DLEU7: variants seen among roughly 807,000 people sequenced by gnomAD.
The protein encoded by DLEU7 is leukemia-associated protein 7.
DLEU7 carries 17 observed loss-of-function variants against 16.0 expected under a neutral mutation model. The observed-to-expected ratio is 1.06, with a 90% confidence interval of 0.73 to 1.59. The LOEUF (loss-of-function observed/expected upper bound fraction) is 1.59. Among genes scored for constraint, DLEU7 ranks in the 40% most tolerant of loss-of-function variants. The pLI is 0.00. For synonymous variants in DLEU7, 113 were observed against 139.8 expected (o/e 0.81, Z 1.35); for missense variants, 308 against 314.9 (o/e 0.98, Z 0.17).
chr13:50,740,780 C>T (rs753441777), intron 1 of DLEU7, among the ~76,000 whole-genome samples: 3 of 152,088 alleles, frequency 2.0e-5, no homozygotes, highest in South Asian at 2.1e-4. Flanking sequence ...TATTAAAAAC[C>T]CTTATTTTAA....
At position 50,783,864 on chromosome 13, in the gene DLEU7, C is replaced by T. The variant is rs542558723; in HGVS notation, c.459+59324G>A. On this transcript the variant is annotated intron_variant, in intron 1 of 1. Coordinates refer to the DLEU7 transcript ENST00000400393. The stretch of plus-strand genomic sequence containing the variant: ...CTGCCATAGGCTCTCCCCATGCTGG[C>T]CCATACCACGCCCAAAGGAACACAT... Among the ~76,000 whole-genome samples the T allele has an allele frequency of 2.0e-5, 3 of 152,298 alleles. No individual in the cohort carries two copies. The East Asian group carries it at 5.8e-4, about 29-fold the overall frequency.
intron 1 of DLEU7, among the ~76,000 whole-genome samples, chr13:50,716,321 G>C (rs1873437780): frequency 6.6e-6 from 1 of 152,200 alleles, no homozygotes; most frequent in African/African-American, 2.4e-5. Context: ...GAAATGTTTG[G>C]TTACAGCTTA....
intron 1 of DLEU7, among the ~76,000 whole-genome samples, chr13:50,752,660 G>A (rs1352932193): frequency 1.3e-5 from 2 of 151,636 alleles, no homozygotes; most frequent in African/African-American, 4.9e-5. Context: ...CAGCTCTTAA[G>A]GCGGCGCGTC....
chr13:50,738,002 A>G (rs1226460518), intron 1 of DLEU7, among the ~76,000 whole-genome samples: 2 of 152,158 alleles, frequency 1.3e-5, no homozygotes, highest in African/African-American at 4.8e-5. Context: ...ACGAATGATA[A>G]GAAAGTGATT....
rs375605291 is a variant in DLEU7 at position 50,836,623 on chromosome 13, G to A, written c.459+6565C>T. On this transcript the variant is annotated intron_variant, in intron 1 of 1. Transcript: ENST00000504404. Reference sequence around the variant, plus strand: ...CAGGAGGCAGAGCTTGCAGTGAGCCGAGATCATGCCACTGCACTCCAGCCT... The same window carrying A: ...CAGGAGGCAGAGCTTGCAGTGAGCCAAGATCATGCCACTGCACTCCAGCCT... Among the ~76,000 whole-genome samples the A allele has an allele frequency of 7.2e-5, 11 of 151,748 alleles. No homozygotes were observed. In the South Asian group the frequency reaches 8.3e-4, roughly 12 times the overall value.
At chr13:50,801,837 T>C (rs1876257676) in intron 1 of DLEU7, among the ~76,000 whole-genome samples, 1 of 152,136 alleles carries the variant, frequency 6.6e-6, no homozygotes, top group South Asian at 2.1e-4. Flanking sequence ...TAATGACTAT[T>C]CAATTGCCAA....
chr13:50,748,502 A>G (rs1389863197), intron 1 of DLEU7, among the ~76,000 whole-genome samples: 1 of 152,152 alleles, frequency 6.6e-6, no homozygotes, highest in Non-Finnish European at 1.5e-5. Context: ...TAGAGTCTCT[A>G]ATTTTTTTAA....
At chr13:50,786,128 T>G (rs1298790273) in intron 1 of DLEU7, among the ~76,000 whole-genome samples, 1 of 152,150 alleles carries the variant, frequency 6.6e-6, no homozygotes, top group Non-Finnish European at 1.5e-5. Flanking sequence ...TAATAAGACT[T>G]TGATGGGTTC....
intron 1 of DLEU7, among the ~76,000 whole-genome samples, chr13:50,784,996 T>C (rs1197517366): frequency 6.6e-6 from 1 of 152,172 alleles, no homozygotes; most frequent in African/African-American, 2.4e-5. Context: ...GGGCTGCTTA[T>C]ATAAGGAGAA....
chr13:50,776,539 A>G (rs968621319), intron 1 of DLEU7, among the ~76,000 whole-genome samples: 1 of 152,192 alleles, frequency 6.6e-6, no homozygotes, highest in Non-Finnish European at 1.5e-5. Flanking sequence ...TCATGGCTCC[A>G]TAGGAGGTTT....
At chr13:50,733,540 A>G (rs991675397) in intron 1 of DLEU7, among the ~76,000 whole-genome samples, 10 of 151,992 alleles carry the variant, frequency 6.6e-5, no homozygotes, top group African/African-American at 2.4e-4. Context: ...CAAGGGATCT[A>G]TCTCCCCACC....
intron 1 of DLEU7, among the ~76,000 whole-genome samples, chr13:50,810,250 A>C (rs1876526811): frequency 6.6e-6 from 1 of 151,296 alleles, no homozygotes; most frequent in African/African-American, 2.4e-5. Flanking sequence ...GTAGGCATTC[A>C]CTCCTGAAGC....
intron 1 of DLEU7, among the ~76,000 whole-genome samples, chr13:50,805,104 A>T (rs1470251362): frequency 1.3e-5 from 2 of 152,174 alleles, no homozygotes; most frequent in Admixed American, 6.5e-5. Flanking sequence ...GTGGTAGTAG[A>T]CATTCTTGTC....
intron 1 of DLEU7, among the ~76,000 whole-genome samples, chr13:50,753,381 G>A (rs1409764134): frequency 3.3e-5 from 5 of 152,194 alleles, no homozygotes; most frequent in African/African-American, 7.2e-5. Flanking sequence ...GGGGAGGCTC[G>A]GGCTGCACAG....
intron 1 of DLEU7, among the ~76,000 whole-genome samples, chr13:50,775,035 T>C (rs114758487): frequency 6.6e-6 from 1 of 152,260 alleles, no homozygotes; most frequent in African/African-American, 2.4e-5. Flanking sequence ...TTATCGTAAC[T>C]ATATTAATTT....
downstream of DLEU7, among the ~76,000 whole-genome samples, chr13:50,818,111 A>G (rs1386511632): frequency 6.6e-6 from 1 of 152,202 alleles, no homozygotes; most frequent in Non-Finnish European, 1.5e-5. Context: ...ACATCAGATG[A>G]TGTGACTTTT....
intron 1 of DLEU7, among the ~76,000 whole-genome samples, chr13:50,838,598 T>C (rs1301695146): frequency 6.6e-6 from 1 of 152,232 alleles, no homozygotes; most frequent in African/African-American, 2.4e-5. Flanking sequence ...TTGATAGTGA[T>C]GTCCTGAGTT....
chr13:50,747,474 G>A (rs866015773), intron 1 of DLEU7, among the ~76,000 whole-genome samples: 6 of 151,584 alleles, frequency 4.0e-5, no homozygotes, highest in Non-Finnish European at 7.4e-5. Flanking sequence ...TTAGGATCAC[G>A]AAATTTGGAA....
chr13:50,745,476 GAGAT>G (rs1874368031), intron 1 of DLEU7, among the ~76,000 whole-genome samples: 1 of 152,220 alleles, frequency 6.6e-6, no homozygotes, highest in African/African-American at 2.4e-5. Flanking sequence ...AAAAGTTCTG[GAGAT>G]AGATAGTGGT....
Sources: allele counts gnomAD v4.1 joint callset (sites outside exome capture counted in the v4.1 genomes callset), GRCh38; gene constraint gnomAD v4.1.1; transcripts MANE v1.5; gene names NCBI Gene and HGNC (gene_info 2026-07-23, HGNC 2026-07-21).